The following SFMBT2 variants were observed in gnomAD, a reference collection of about 807,000 sequenced individuals.
The protein encoded by SFMBT2 is scm-like with four MBT domains protein 2.
A neutral mutation model predicts 110.1 loss-of-function variants in SFMBT2; 38 were observed. The observed-to-expected ratio is 0.35, with a 90% CI of 0.27 to 0.45. SFMBT2 has a LOEUF of 0.45. SFMBT2 is among the 20% of genes least tolerant of loss of function. The pLI is 1.00. For missense variants in SFMBT2, 1,011 were observed against 1,094.9 expected (o/e 0.92, Z 1.08); for synonymous variants, 425 against 425.4 (o/e 1.00, Z 0.01).
intron 4 of SFMBT2, among the ~76,000 whole-genome samples, chr10:7,289,012 A>G (rs1030127864): frequency 6.6e-6 from 1 of 151,692 alleles, no homozygotes. Context: ...AAAAAAAACT[A>G]GAAACAGCCT....
At chr10:7,222,471 G>A (rs1052441590) in intron 10 of SFMBT2, among the ~76,000 whole-genome samples, 1 of 152,170 alleles carries the variant, frequency 6.6e-6, no homozygotes, top group Non-Finnish European at 1.5e-5. Flanking sequence ...TTCTTTGGAG[G>A]TCTCTCTCCT....
intron 4 of SFMBT2, among the ~76,000 whole-genome samples, chr10:7,341,283 T>C (rs752726458): frequency 4.6e-5 from 7 of 152,118 alleles, no homozygotes; most frequent in Non-Finnish European, 1.0e-4. Context: ...ATGCAAAATA[T>C]GGGGCAGCTA....
intron 16 of SFMBT2, among the ~76,000 whole-genome samples, chr10:7,179,403 A>C (rs1236009172): frequency 3.0e-4 from 46 of 150,984 alleles, no homozygotes; most frequent in Non-Finnish European, 7.4e-5. Context: ...AAAAAAAAAA[A>C]AAAAAAAAAA....
intron 4 of SFMBT2, among the ~76,000 whole-genome samples, chr10:7,328,793 T>C (rs1051674913): frequency 5.9e-5 from 9 of 152,230 alleles, no homozygotes; most frequent in Non-Finnish European, 1.0e-4. Context: ...AGTCTCTCTG[T>C]GTACAAATAC....
At chr10:7,353,348 G>A (rs1447901811) in intron 4 of SFMBT2, among the ~76,000 whole-genome samples, 3 of 152,110 alleles carry the variant, frequency 2.0e-5, no homozygotes, top group Non-Finnish European at 2.9e-5. Context: ...GTCAGCTCTT[G>A]TTTTCCTATT....
chr10:7,222,539 T>C (rs573746703), intron 10 of SFMBT2, among the ~76,000 whole-genome samples: 29 of 152,326 alleles, frequency 1.9e-4, no homozygotes, highest in African/African-American at 7.0e-4. Flanking sequence ...TCTGTGTGTA[T>C]TTAGCAGTTT....
intron 11 of SFMBT2, among the ~76,000 whole-genome samples, chr10:7,219,043 T>C (rs1175523681): frequency 6.6e-6 from 1 of 152,238 alleles, no homozygotes; most frequent in African/African-American, 2.4e-5. Context: ...AACTTGACCA[T>C]TTTTGTTTTC....
At chr10:7,298,677 G>C (rs1032107554) in intron 4 of SFMBT2, among the ~76,000 whole-genome samples, 1 of 152,150 alleles carries the variant, frequency 6.6e-6, no homozygotes, top group African/African-American at 2.4e-5. Context: ...GTATGTGCAT[G>C]TGTATACGTG....
intron 7 of SFMBT2, among the ~76,000 whole-genome samples, chr10:7,264,460 C>G (rs1320129077): frequency 6.6e-6 from 1 of 152,192 alleles, no homozygotes; most frequent in Non-Finnish European, 1.5e-5. Context: ...TTGCTCTGTT[C>G]TGAGTCCAGA....
intron 7 of SFMBT2, among the ~76,000 whole-genome samples, chr10:7,272,976 G>GT (rs1276112532): frequency 6.6e-6 from 1 of 152,132 alleles, no homozygotes; most frequent in African/African-American, 2.4e-5. Flanking sequence ...TGTATTTTTA[G>GT]TAGAGACAGG....
At chr10:7,235,571 CACATACCACACAG>C (rs1410736124) in intron 9 of SFMBT2, among the ~76,000 whole-genome samples, 3 of 151,516 alleles carry the variant, frequency 2.0e-5, no homozygotes, top group Non-Finnish European at 4.4e-5. Flanking sequence ...CACATACAGA[CACATACCACACAG>C]ACGTACCACA....
chr10:7,189,692 G>A (rs982232672), intron 15 of SFMBT2, among the ~76,000 whole-genome samples: 1 of 152,184 alleles, frequency 6.6e-6, no homozygotes, highest in Non-Finnish European at 1.5e-5. Context: ...GAACAAGACG[G>A]GGGAGCACGC....
intron 4 of SFMBT2, among the ~76,000 whole-genome samples, chr10:7,308,337 G>A (rs1316704064): frequency 6.6e-6 from 1 of 152,008 alleles, no homozygotes; most frequent in Non-Finnish European, 1.5e-5. Flanking sequence ...TCTCCAGAGC[G>A]ATGGAGAGAG....
At chr10:7,405,737 G>T (rs776279027) in intron 1 of SFMBT2, among the ~76,000 whole-genome samples, 4 of 152,096 alleles carry the variant, frequency 2.6e-5, no homozygotes, top group Non-Finnish European at 5.9e-5. Context: ...TTGTAGATAA[G>T]GAGGTTGAGG....
intron 2 of SFMBT2, among the ~76,000 whole-genome samples, chr10:7,379,361 G>T (rs1845360625): frequency 1.3e-5 from 2 of 151,848 alleles, no homozygotes; most frequent in South Asian, 2.1e-4. Context: ...TTAGCAGATT[G>T]GAAAAAATAA....
chr10:7,404,635 T>A (rs1263849815), intron 1 of SFMBT2, among the ~76,000 whole-genome samples: 1 of 152,186 alleles, frequency 6.6e-6, no homozygotes, highest in Non-Finnish European at 1.5e-5. Flanking sequence ...GAGAAAGGAA[T>A]GAAACAGAAA....
intron 4 of SFMBT2, among the ~76,000 whole-genome samples, chr10:7,315,030 GAAAGAAAGAGAAAGAAAGAAAGA>G (rs1842955188): frequency 1.5e-5 from 2 of 130,126 alleles, no homozygotes; most frequent in Non-Finnish European, 3.3e-5. Flanking sequence ...GAGAGAGAAA[GAAAGAAAGAGAAAGAAAGAAAGA>G]AAGAAAGAAA....
At chr10:7,371,480 T>C (rs562479856) in intron 2 of SFMBT2, among the ~76,000 whole-genome samples, 1 of 152,222 alleles carries the variant, frequency 6.6e-6, no homozygotes, top group Non-Finnish European at 1.5e-5. Context: ...TTGAAGGAAA[T>C]CAAGCAATTC....
intron 4 of SFMBT2, among the ~76,000 whole-genome samples, chr10:7,349,282 C>T (rs1321233832): frequency 6.6e-6 from 1 of 151,980 alleles, no homozygotes; most frequent in African/African-American, 2.4e-5. Flanking sequence ...ACAGACTGCC[C>T]AACTCTACAG....
Sources: gnomAD v4.1 joint callset for allele counts (sites outside exome capture counted in the v4.1 genomes callset) on GRCh38, gnomAD v4.1.1 for gene constraint, MANE v1.5 for transcripts, NCBI Gene and HGNC (gene_info 2026-07-23, HGNC 2026-07-21) for gene names.